The following FHIT variants were observed in gnomAD, a reference collection of about 807,000 sequenced individuals.
The protein encoded by FHIT is fragile histidine triad diadenosine triphosphatase.
A neutral mutation model predicts 17.9 loss-of-function variants in FHIT; 19 were observed. That is an observed-to-expected ratio of 1.06 (90% CI 0.74 to 1.56). The LOEUF is 1.56. Among genes scored for constraint, FHIT ranks in the 40% most tolerant of loss-of-function variants. The probability of loss-of-function intolerance (pLI) is 0.00; values close to 1 mark genes in which losing one functional copy is unlikely to be tolerated. For missense variants in FHIT, 248 were observed against 189.2 expected, an observed-to-expected ratio of 1.31 and a Z score of -1.82; for synonymous variants, 81 against 69.7, an observed-to-expected ratio of 1.16 and a Z score of -0.81.
chr3:60,121,185 C>A (rs1430455182), intron 5 of FHIT, among the ~76,000 whole-genome samples: 3 of 152,092 alleles, frequency 2.0e-5, no homozygotes, highest in East Asian at 1.9e-4. Flanking sequence ...GCAATCAAGG[C>A]TGTAAGAAGA....
chr3:60,416,276 A>G (rs1702245657), intron 5 of FHIT, among the ~76,000 whole-genome samples: 2 of 152,186 alleles, frequency 1.3e-5, no homozygotes, highest in African/African-American at 4.8e-5. Context: ...TCTCTCATAA[A>G]CCATAAATTG....
At chr3:59,754,067 C>A (rs955620785) in intron 8 of FHIT, among the ~76,000 whole-genome samples, 1 of 152,140 alleles carries the variant, frequency 6.6e-6, no homozygotes, top group Admixed American at 6.6e-5. Context: ...AACTCTAAAT[C>A]TAACCTAGAG....
At chr3:61,153,583 A>G (rs1056720657) in intron 2 of FHIT, among the ~76,000 whole-genome samples, 1 of 152,150 alleles carries the variant, frequency 6.6e-6, no homozygotes, top group South Asian at 2.1e-4. Context: ...ATATAGATGG[A>G]GCTCAAATTG....
intron 8 of FHIT, among the ~76,000 whole-genome samples, chr3:59,889,042 CTCT>C (rs1703742885): frequency 6.6e-6 from 1 of 152,180 alleles, no homozygotes; most frequent in African/African-American, 2.4e-5. Flanking sequence ...ACCTAATCAC[CTCT>C]TCAAGTTCCC....
chr3:59,985,720 C>G (rs1708867181), intron 7 of FHIT, among the ~76,000 whole-genome samples: 1 of 152,108 alleles, frequency 6.6e-6, no homozygotes, highest in Admixed American at 6.6e-5. Flanking sequence ...TGTCTTAAAG[C>G]AGGGTGAGCA....
intron 5 of FHIT, among the ~76,000 whole-genome samples, chr3:60,100,621 G>C (rs975753279): frequency 1.3e-5 from 2 of 152,118 alleles, no homozygotes; most frequent in Non-Finnish European, 2.9e-5. Context: ...CTCTGGTCTT[G>C]TATCAAAAAC....
At chr3:60,401,685 C>T (rs1428159107) in intron 5 of FHIT, among the ~76,000 whole-genome samples, 4 of 152,158 alleles carry the variant, frequency 2.6e-5, no homozygotes, top group Non-Finnish European at 5.9e-5. Flanking sequence ...ACTAAAATAC[C>T]TCCCATTAAA....
Position 61,080,983 on chromosome 3 carries a change from C to T in FHIT, c.-163-38884G>A, listed in dbSNP as rs184864630. Among the ~76,000 whole-genome samples, 29 of 152,286 alleles carry T rather than the reference C, an allele frequency of 1.9e-4. No homozygotes were observed. In the East Asian group the frequency reaches 4.6e-3, roughly 24 times the overall value. On this transcript the variant is annotated intron_variant, in intron 2 of 9. Coordinates refer to ENST00000492590, the MANE Select transcript of FHIT (RefSeq NM_002012.4). ...CAAACTTAGTAGGACTTTGTGGCCT[C>T]CCAGCTCACAAGCCTGCTTCTTCAT...
At chr3:59,796,995 C>T (rs796107740) in intron 8 of FHIT, among the ~76,000 whole-genome samples, 5 of 152,236 alleles carry the variant, frequency 3.3e-5, no homozygotes, top group African/African-American at 9.6e-5. Flanking sequence ...ATTTATTCCC[C>T]TGATATTACT....
At chr3:60,581,624 T>C (rs1249652655) in intron 4 of FHIT, among the ~76,000 whole-genome samples, 1 of 152,216 alleles carries the variant, frequency 6.6e-6, no homozygotes, top group African/African-American at 2.4e-5. Context: ...AGTAGGCTAA[T>C]AAAAGCAACA....
chr3:59,966,892 C>A (rs983582328), intron 7 of FHIT, among the ~76,000 whole-genome samples: 1 of 152,144 alleles, frequency 6.6e-6, no homozygotes, highest in Non-Finnish European at 1.5e-5. Context: ...CTTACTGGAA[C>A]TTTTTAACTT....
intron 3 of FHIT, among the ~76,000 whole-genome samples, chr3:60,869,746 T>G (rs1704323705): frequency 6.6e-6 from 1 of 151,998 alleles, no homozygotes; most frequent in African/African-American, 2.4e-5. Flanking sequence ...ACCCCAGAAG[T>G]GCCAAGATAA....
intron 1 of FHIT, among the ~76,000 whole-genome samples, chr3:61,221,394 G>T (rs2039833885): frequency 6.6e-6 from 1 of 152,198 alleles, no homozygotes; most frequent in Non-Finnish European, 1.5e-5. Context: ...CTGATGTTTT[G>T]CAGATGCAAT....
At chr3:60,300,473 T>C (rs755567194) in intron 5 of FHIT, among the ~76,000 whole-genome samples, 1 of 152,136 alleles carries the variant, frequency 6.6e-6, no homozygotes, top group Non-Finnish European at 1.5e-5. Flanking sequence ...CTTGCATCTC[T>C]AAATATCACT....
intron 3 of FHIT, among the ~76,000 whole-genome samples, chr3:60,940,902 T>C (rs1419321404): frequency 5.9e-5 from 9 of 152,196 alleles, no homozygotes; most frequent in African/African-American, 2.2e-4. Flanking sequence ...AGTGTCAAAC[T>C]GCTATGACAG....
chr3:60,429,708 G>A (rs1702804934), intron 5 of FHIT, among the ~76,000 whole-genome samples: 1 of 152,002 alleles, frequency 6.6e-6, no homozygotes, highest in Admixed American at 6.6e-5. Flanking sequence ...AAAGAAGAGA[G>A]AATAAAAGGT....
intron 2 of FHIT, among the ~76,000 whole-genome samples, chr3:61,162,222 C>A (rs765398529): frequency 5.3e-5 from 8 of 152,168 alleles, no homozygotes; most frequent in Non-Finnish European, 8.8e-5. Flanking sequence ...GCACACCTCA[C>A]CTTGGCAAAC....
At chr3:61,114,308 C>T (rs1272799205) in intron 2 of FHIT, among the ~76,000 whole-genome samples, 2 of 152,116 alleles carry the variant, frequency 1.3e-5, no homozygotes, top group Non-Finnish European at 2.9e-5. Context: ...AAATGTGCAT[C>T]CCTGAGCTGT....
intron 3 of FHIT, among the ~76,000 whole-genome samples, chr3:60,958,814 C>G (rs1340305795): frequency 6.6e-6 from 1 of 152,136 alleles, no homozygotes; most frequent in African/African-American, 2.4e-5. Flanking sequence ...TTTGTCTTCT[C>G]CTTCCAGCTA....
Sources: allele counts gnomAD v4.1 joint callset (sites outside exome capture counted in the v4.1 genomes callset), GRCh38; gene constraint gnomAD v4.1.1; transcripts MANE v1.5; gene names NCBI Gene and HGNC (gene_info 2026-07-23, HGNC 2026-07-21).